The following NRG3 variants were observed in gnomAD, a reference collection of about 807,000 sequenced individuals.
The protein encoded by NRG3 is pro-neuregulin-3, membrane-bound isoform.
NRG3 carries 31 observed loss-of-function variants against 66.9 expected under a neutral mutation model. The observed-to-expected ratio is 0.46, with a 90% CI of 0.35 to 0.63. The LOEUF is 0.63. Among genes scored for constraint, NRG3 ranks in the 20% least tolerant of loss-of-function variants. The pLI, the probability that NRG3 is intolerant of heterozygous loss-of-function variation, is 0.00. For synonymous variants in NRG3, 393 were observed against 359.4 expected, an observed-to-expected ratio of 1.09 and a Z score of -1.06; for missense variants, 910 against 878.9, an observed-to-expected ratio of 1.04 and a Z score of -0.45.
At chr10:82,069,659 T>A (rs2064689204) in intron 1 of NRG3, among the ~76,000 whole-genome samples, 1 of 152,168 alleles carries the variant, frequency 6.6e-6, no homozygotes, top group Admixed American at 6.5e-5. Context: ...TTTTTGAAGG[T>A]GTTCATACAA....
intron 1 of NRG3, among the ~76,000 whole-genome samples, chr10:82,214,511 C>A (rs766338003): frequency 6.6e-6 from 1 of 152,164 alleles, no homozygotes; most frequent in Non-Finnish European, 1.5e-5. Flanking sequence ...ATCATTTAGG[C>A]CGGAATGCAG....
chr10:82,277,958 A>G (rs2078936284), intron 1 of NRG3, among the ~76,000 whole-genome samples: 1 of 152,024 alleles, frequency 6.6e-6, no homozygotes, highest in African/African-American at 2.4e-5. Context: ...GATGTTATGA[A>G]ATGTGATTTC....
Position 82,658,031 on chromosome 10 carries a change from A to G in NRG3, c.954-80546A>G, listed in dbSNP as rs143078165. 9.9e-4 allele frequency among the ~76,000 whole-genome samples: 150 copies of G among 152,278 alleles called. 1 individual carries two copies. The highest frequency in any genetic ancestry group is 3.4e-3 in the African/African-American group (142 of 41,580). The stretch of plus-strand genomic sequence containing the variant: ...TTCCAGGATATTTAAAGAAGGAAAT[A>G]TTATCTAACTAATTCTAAGGTCAAG... On this transcript the variant is annotated intron_variant, in intron 2 of 8. Coordinates refer to ENST00000372141, the MANE Select transcript of NRG3 (RefSeq NM_001010848.4).
At chr10:82,087,278 G>GC (rs2133472411) in intron 1 of NRG3, among the ~76,000 whole-genome samples, 1 of 152,106 alleles carries the variant, frequency 6.6e-6, no homozygotes, top group East Asian at 1.9e-4. Flanking sequence ...CACTGTTTTG[G>GC]CTTTGTTCTT....
chr10:82,590,134 A>G (rs1176356445), intron 2 of NRG3, among the ~76,000 whole-genome samples: 1 of 152,170 alleles, frequency 6.6e-6, no homozygotes, highest in African/African-American at 2.4e-5. Flanking sequence ...CCAATTATTG[A>G]TGTCTTTGCC....
chr10:82,946,277 G>A lies in NRG3; in HGVS notation c.1055-5192G>A, dbSNP rs567822974. Among the ~76,000 whole-genome samples, 101 of 151,136 alleles carry A rather than the reference G, an allele frequency of 6.7e-4. 2 individuals carry two copies. In the South Asian group the frequency reaches 0.015, roughly 22 times the overall value. ...AGCAGAAGGCGTGGAGCATTGGCTC[G>A]CGCCTGTAATCCCAGCACTTTGGAA... On this transcript the variant is annotated intron_variant, in intron 4 of 8. Transcript: ENST00000372141.
At chr10:82,911,330 A>C (rs1845303169) in intron 4 of NRG3, among the ~76,000 whole-genome samples, 1 of 151,966 alleles carries the variant, frequency 6.6e-6, no homozygotes, top group African/African-American at 2.4e-5. Context: ...TTTTTCATTC[A>C]TGGGTTGTGC....
chr10:82,343,324 TACATAGGC>T (rs1453467472), intron 1 of NRG3, among the ~76,000 whole-genome samples: 6 of 151,892 alleles, frequency 4.0e-5, no homozygotes, highest in African/African-American at 1.5e-4. Context: ...TACAAAAAAA[TACATAGGC>T]ATACATTTAA....
intron 2 of NRG3, among the ~76,000 whole-genome samples, chr10:82,414,231 T>C (rs981690806): frequency 6.6e-6 from 1 of 152,096 alleles, no homozygotes; most frequent in African/African-American, 2.4e-5. Flanking sequence ...CGGTTGTAAG[T>C]TTATTAATTG....
At chr10:81,924,678 C>T (rs1344890457) in intron 1 of NRG3, among the ~76,000 whole-genome samples, 2 of 152,126 alleles carry the variant, frequency 1.3e-5, no homozygotes, top group Non-Finnish European at 2.9e-5. Flanking sequence ...GACCATCGTT[C>T]GAATTAATTT....
intron 3 of NRG3, among the ~76,000 whole-genome samples, chr10:82,824,912 G>C (rs372617734): frequency 1.3e-5 from 2 of 151,866 alleles, no homozygotes; most frequent in South Asian, 4.2e-4. Flanking sequence ...GGGTCTCACT[G>C]TGTTGCCCAG....
At chr10:82,218,209 T>C (rs1649961) in intron 1 of NRG3, among the ~76,000 whole-genome samples, 16,835 of 152,174 alleles carry the variant, frequency 0.11, 1,040 homozygotes, top group Middle Eastern at 0.18. Context: ...AATAAGGCTA[T>C]TTTATATAAG....
At chr10:82,721,670 A>G (rs1224078682) in intron 2 of NRG3, among the ~76,000 whole-genome samples, 1 of 146,624 alleles carries the variant, frequency 6.8e-6, no homozygotes, top group African/African-American at 2.5e-5. Context: ...TGATCTGCCC[A>G]TCTCAGCCTC....
chr10:81,980,038 G>T (rs998851682), intron 1 of NRG3, among the ~76,000 whole-genome samples: 6 of 152,272 alleles, frequency 3.9e-5, no homozygotes, highest in African/African-American at 1.2e-4. Flanking sequence ...CTTCCTCATC[G>T]CCTTTCATGG....
At chr10:82,722,743 G>T (rs1362716816) in intron 2 of NRG3, among the ~76,000 whole-genome samples, 1 of 152,054 alleles carries the variant, frequency 6.6e-6, no homozygotes, top group East Asian at 1.9e-4. Flanking sequence ...ATGGAGCATT[G>T]ATTTTCTACT....
intron 2 of NRG3, among the ~76,000 whole-genome samples, chr10:82,491,203 C>G (rs1202800021): frequency 2.0e-5 from 3 of 148,802 alleles, no homozygotes; most frequent in Non-Finnish European, 4.5e-5. Context: ...GTTTTACACT[C>G]TCAGTAATCC....
chr10:82,399,346 G>A (rs12250298), intron 2 of NRG3, among the ~76,000 whole-genome samples: 63,041 of 152,112 alleles, frequency 0.41, 16,249 homozygotes, highest in African/African-American at 0.73. Context: ...TCTTTCTTAA[G>A]ATGTCAGAAG....
intron 1 of NRG3, among the ~76,000 whole-genome samples, chr10:82,352,191 A>G (rs1401793928): frequency 6.6e-6 from 1 of 152,256 alleles, no homozygotes; most frequent in Admixed American, 6.5e-5. Flanking sequence ...ATACCCACAT[A>G]CATGCACAAA....
At chr10:82,274,594 C>T (rs1353144328) in intron 1 of NRG3, among the ~76,000 whole-genome samples, 2 of 152,032 alleles carry the variant, frequency 1.3e-5, no homozygotes, top group African/African-American at 2.4e-5. Flanking sequence ...ATTTAAGAAA[C>T]ATTTCATTCA....
Sources: allele counts gnomAD v4.1 joint callset (sites outside exome capture counted in the v4.1 genomes callset), GRCh38; gene constraint gnomAD v4.1.1; transcripts MANE v1.5; gene names NCBI Gene and HGNC (gene_info 2026-07-23, HGNC 2026-07-21).